HSPH1: variants seen among roughly 807,000 people sequenced by gnomAD.
HSPH1 encodes the protein heat shock protein 105 kDa.
A neutral mutation model predicts 100.0 loss-of-function variants in HSPH1; 40 were observed. The observed-to-expected ratio is 0.40, with a 90% confidence interval of 0.31 to 0.52. HSPH1 has a LOEUF of 0.52. Among genes scored for constraint, HSPH1 ranks in the 20% least tolerant of loss-of-function variants. HSPH1 has a pLI of 0.54. For missense variants in HSPH1, 876 were observed against 1,015.1 expected, an observed-to-expected ratio of 0.86 and a Z score of 1.86; for synonymous variants, 403 against 344.0, an observed-to-expected ratio of 1.17 and a Z score of -1.90.
rs181999096 is a variant in HSPH1, at chr13:31,153,120, G to C, written c.430-169C>G. ...GCAAGCTCCTTAACCTTCAGAAACAGTAACTACTTTTGAAAAGGCTGTCCC... is the reference window on the plus strand; with the variant it reads ...GCAAGCTCCTTAACCTTCAGAAACACTAACTACTTTTGAAAAGGCTGTCCC... On this transcript the variant is annotated intron_variant, in intron 4 of 17. Coordinates refer to ENST00000320027, the MANE Select transcript of HSPH1 (RefSeq NM_006644.4). Among the ~76,000 whole-genome samples, 20 of 152,266 alleles carry C rather than the reference G, an allele frequency of 1.3e-4. 1 individual carries two copies. Among genetic ancestry groups the C allele is most frequent in the African/African-American group, 4.8e-4 (20 of 41,558 alleles).
chr13:31,141,322 A>C (rs955145123), intron 12 of HSPH1, 63 bp from the exon 13 acceptor site: 4 of 1,404,082 alleles, frequency 2.8e-6, no homozygotes, highest in Admixed American at 2.2e-5. Context: ...AACACAAAAA[A>C]AATGTCCTCA....
intron 3 of HSPH1, 41 bp from the exon 4 acceptor site, chr13:31,154,796 T>C (rs954984641): frequency 9.0e-6 from 14 of 1,559,074 alleles, no homozygotes; most frequent in Non-Finnish European, 1.2e-5. Context: ...TTGTAGTACT[T>C]TAAGCTACAT....
intron 4 of HSPH1, among the ~76,000 whole-genome samples, chr13:31,153,486 T>C (rs1364137778): frequency 6.6e-6 from 1 of 152,196 alleles, no homozygotes; most frequent in Non-Finnish European, 1.5e-5. Context: ...AATCACTTTT[T>C]GGCAAAGCCT....
Position 31,148,026 on chromosome 13 carries a change from C to A in HSPH1, c.1311G>T (p.Arg437Ser), listed in dbSNP as rs1229562359. 6.2e-7 allele frequency: 1 copy of A among 1,611,004 alleles called. No homozygotes were observed. The highest frequency in any genetic ancestry group is 8.5e-7 in the Non-Finnish European group (1 of 1,178,796). ...PFSKVLTFLR[R>S]GPFELEAFYS... ...AGAAAGCTTCTAGCTCAAAAGGCCC[C>A]CTTCTCAGAAAGGTGAGAACTTTGG... The change falls in exon 10 of 18, where the codon AGG becomes AGT. Residue 437 changes from arginine to serine, a missense_variant. Coordinates refer to ENST00000320027, the MANE Select transcript of HSPH1 (RefSeq NM_006644.4).
chr13:31,154,565 A>G (rs1378921244), intron 4 of HSPH1, 68 bp downstream of exon 4: 1 of 1,569,116 alleles, frequency 6.4e-7, no homozygotes, highest in African/African-American at 1.3e-5. Context: ...CCCACATTTC[A>G]TACTTAAAAG....
chr13:31,146,016 T>C (rs1179066396), intron 10 of HSPH1, among the ~76,000 whole-genome samples: 1 of 152,088 alleles, frequency 6.6e-6, no homozygotes, highest in African/African-American at 2.4e-5. Flanking sequence ...GCGCCTGTAG[T>C]CCCAGCTACT....
rs200599880 is a variant in HSPH1 at position 31,151,111 on chromosome 13, A to G, written c.744T>C (p.Phe248=). Residue 248 remains phenylalanine, a synonymous_variant, in exon 7 of 18, where the codon TTT becomes TTC. Coordinates refer to ENST00000320027, the MANE Select transcript of HSPH1 (RefSeq NM_006644.4). ...EKLVEHFCAE[F]KTKYKLDAKS... ...TTGCATCCAACTTGTACTTAGTTTT[A>G]AATTCTGCACAAAAATGTTCCACTA... is the stretch of plus-strand genomic sequence containing the variant. 6.2e-7 allele frequency: 1 copy of G among 1,613,720 alleles called. No homozygotes were observed. The highest frequency in any genetic ancestry group is 2.2e-5 in the East Asian group (1 of 44,870).
intron 14 of HSPH1, among the ~76,000 whole-genome samples, chr13:31,139,406 A>AG (rs974726139): frequency 1.3e-5 from 2 of 152,064 alleles, no homozygotes; most frequent in African/African-American, 4.8e-5. Context: ...CAAATGCTGA[A>AG]GGGGAAGCTA....
intron 4 of HSPH1, among the ~76,000 whole-genome samples, chr13:31,153,609 G>A (rs1189577289): frequency 1.3e-5 from 2 of 152,066 alleles, no homozygotes; most frequent in East Asian, 3.8e-4. Flanking sequence ...AGCACTTCAG[G>A]ATACTATTCA....
chr13:31,148,563 C>A (rs1242883751), intron 8 of HSPH1, 83 bp from the exon 9 acceptor site: 43 of 133,940 alleles, frequency 3.2e-4, no homozygotes, highest in Middle Eastern at 1.1e-3. Flanking sequence ...AATGGATGGA[C>A]AGGGTTTTCA....
intron 8 of HSPH1, 108 bp from the exon 9 acceptor site, chr13:31,148,588 A>C (rs988325213): frequency 4.1e-6 from 2 of 489,858 alleles, no homozygotes; most frequent in Admixed American, 3.6e-5. Context: ...AAAAAAAAAA[A>C]AACAACTCAC....
chr13:31,160,630 C>A lies in HSPH1; in HGVS notation c.107+846G>T, dbSNP rs147806296. ...TTTTTAAAATGTTGCCCTTTGCCCA[C>A]CCTATGCTCCTATAGAATATTTAGT... On this transcript the variant is annotated intron_variant, in intron 1 of 17. Transcript: ENST00000320027. 5.9e-5 allele frequency among the ~76,000 whole-genome samples: 9 copies of A among 152,324 alleles called. No individual in the cohort carries two copies. In the East Asian group the frequency reaches 1.3e-3, roughly 23 times the overall value.
chr13:31,137,510 T>C lies in HSPH1; in HGVS notation c.2385A>G (p.Thr795=), dbSNP rs749769750. 9 of 1,611,626 alleles carry C rather than the reference T, an allele frequency of 5.6e-6. No homozygotes were observed. Among genetic ancestry groups the C allele is most frequent in the Non-Finnish European group, 7.6e-6 (9 of 1,179,132 alleles). The change falls in exon 18 of 18, where the codon ACA becomes ACG. Residue 795 remains threonine, a synonymous_variant. Coordinates refer to ENST00000320027, the MANE Select transcript of HSPH1 (RefSeq NM_006644.4). ...TCGGTTGTGTTACAACGGGTTCACA[T>C]GTGTTGTTCAATTCCTAAAGAAAAC... ...IKTKIKELNN[T]CEPVVTQPKP... is the part of the protein sequence containing the mutation.
intron 5 of HSPH1, 44 bp from the exon 6 acceptor site, chr13:31,151,786 T>C: frequency 6.5e-7 from 1 of 1,541,366 alleles, no homozygotes; most frequent in South Asian, 1.2e-5. Flanking sequence ...TCACATTTTC[T>C]TAGGAATCTC....
rs114610969 is a variant in HSPH1, at chr13:31,136,833, G to A, written c.*485C>T. ...TACTCATTGAATTTTTAATATCAAA[G>A]CAAAAAGTCATTTTCTCTTGGACAG... is the stretch of plus-strand genomic sequence containing the variant. On this transcript the variant is annotated 3_prime_UTR_variant, in exon 18 of 18. Coordinates refer to ENST00000320027, the MANE Select transcript of HSPH1 (RefSeq NM_006644.4). The A allele has an allele frequency of 4.9e-3, 923 of 188,318 alleles. 14 individuals are homozygous for A. The highest frequency in any genetic ancestry group is 0.021 in the African/African-American group (874 of 41,718). The allele number at this position is 188,318 out of a possible 1,614,324, so 11.7% of individuals were successfully genotyped here.
At chr13:31,161,410 G>T in intron 1 of HSPH1, 66 bp downstream of exon 1, 1 of 1,583,232 alleles carries the variant, frequency 6.3e-7, no homozygotes, top group Non-Finnish European at 8.6e-7. Flanking sequence ...GCCAGCCCGC[G>T]ATCTTGGGTC....
chr13:31,161,329 C>T (rs1418160239), intron 1 of HSPH1, 147 bp downstream of exon 1: 2 of 1,394,524 alleles, frequency 1.4e-6, no homozygotes, highest in East Asian at 5.0e-5. Context: ...CTGGCCGGGT[C>T]GCTGGTCCCT....
Position 31,148,693 on chromosome 13 carries a change from A to G in HSPH1, c.1138-213T>C, listed in dbSNP as rs113162997. Among the ~76,000 whole-genome samples the G allele has an allele frequency of 2.8e-3, 422 of 152,154 alleles. 2 individuals carry two copies. The highest frequency in any genetic ancestry group is 9.5e-3 in the African/African-American group (393 of 41,526). On this transcript the variant is annotated intron_variant, in intron 8 of 17. Transcript: ENST00000320027. Reference sequence around the variant, plus strand: ...ATTACTAGGTACAAAGACAAATAATATATCTTAGGATAACGACAATTAATC... The same window carrying G: ...ATTACTAGGTACAAAGACAAATAATGTATCTTAGGATAACGACAATTAATC...
chr13:31,141,999 C>T (rs983309139), intron 12 of HSPH1, among the ~76,000 whole-genome samples: 8 of 152,002 alleles, frequency 5.3e-5, no homozygotes, highest in Non-Finnish European at 1.5e-5. Context: ...TCTCCTGTGG[C>T]CTTCAATTTT....
Sources: gnomAD v4.1 joint callset for allele counts (sites outside exome capture counted in the v4.1 genomes callset) on GRCh38, gnomAD v4.1.1 for gene constraint, MANE v1.5 for transcripts, NCBI Gene and HGNC (gene_info 2026-07-23, HGNC 2026-07-21) for gene names.